Variants in PDZRN3 observed in about 807,000 individuals in gnomAD.
PDZRN3 encodes the protein E3 ubiquitin-protein ligase PDZRN3.
PDZRN3 carries 38 observed loss-of-function variants against 85.7 expected under a neutral mutation model. That is an observed-to-expected ratio of 0.44 (90% CI 0.34 to 0.58). The LOEUF is 0.58. Among genes scored for constraint, PDZRN3 ranks in the 20% least tolerant of loss-of-function variants. The probability of loss-of-function intolerance (pLI) is 0.01; values close to 1 mark genes in which losing one functional copy is unlikely to be tolerated. For synonymous variants in PDZRN3, 759 were observed against 638.0 expected (o/e 1.19, Z -2.86); for missense variants, 1,629 against 1,506.4 (o/e 1.08, Z -1.35).
At chr3:73,568,512 G>C (rs1006594233) in intron 3 of PDZRN3, among the ~76,000 whole-genome samples, 1 of 152,112 alleles carries the variant, frequency 6.6e-6, no homozygotes. Flanking sequence ...GCTGAGAGTC[G>C]CTCTCCTACA....
intron 5 of PDZRN3, among the ~76,000 whole-genome samples, chr3:73,399,458 T>G (rs927176256): frequency 6.6e-6 from 1 of 152,176 alleles, no homozygotes; most frequent in Non-Finnish European, 1.5e-5. Flanking sequence ...TCAGAAGTCC[T>G]CCAAGAAATC....
intron 3 of PDZRN3, among the ~76,000 whole-genome samples, chr3:73,591,768 G>T (rs990571201): frequency 6.6e-6 from 1 of 152,180 alleles, no homozygotes; most frequent in Non-Finnish European, 1.5e-5. Context: ...CCAAGATCAT[G>T]AAGCTCGCAA....
At chr3:73,525,779 C>T (rs1305866942) in intron 3 of PDZRN3, among the ~76,000 whole-genome samples, 2 of 152,184 alleles carry the variant, frequency 1.3e-5, no homozygotes, top group African/African-American at 2.4e-5. Context: ...CTGGGTCTCA[C>T]CCCCTCAGCG....
At chr3:73,609,148 CTGTT>C (rs1368570855) in intron 1 of PDZRN3, among the ~76,000 whole-genome samples, 2 of 152,064 alleles carry the variant, frequency 1.3e-5, no homozygotes, top group Non-Finnish European at 2.9e-5. Context: ...ATAGCCATCT[CTGTT>C]TGGGAGACTT....
intron 5 of PDZRN3, among the ~76,000 whole-genome samples, chr3:73,391,924 A>AGATCC (rs1256594660): frequency 6.6e-6 from 1 of 152,110 alleles, no homozygotes; most frequent in East Asian, 1.9e-4. Flanking sequence ...GTTCTCCGGT[A>AGATCC]GATCCTTTGG....
intron 3 of PDZRN3, among the ~76,000 whole-genome samples, chr3:73,501,799 G>A (rs1703985574): frequency 6.6e-6 from 1 of 152,132 alleles, no homozygotes; most frequent in South Asian, 2.1e-4. Context: ...CAGATCACTT[G>A]AGGTCAGGAG....
At chr3:73,586,443 T>G (rs1205707645) in intron 3 of PDZRN3, among the ~76,000 whole-genome samples, 1 of 152,142 alleles carries the variant, frequency 6.6e-6, no homozygotes, top group Non-Finnish European at 1.5e-5. Context: ...TATTTCGGAG[T>G]CAGGCAACAC....
intron 1 of PDZRN3, among the ~76,000 whole-genome samples, chr3:73,609,812 G>C (rs970912604): frequency 6.6e-6 from 1 of 152,178 alleles, no homozygotes; most frequent in African/African-American, 2.4e-5. Flanking sequence ...AGGCATGAAT[G>C]CAACTCTCTG....
intron 3 of PDZRN3, among the ~76,000 whole-genome samples, chr3:73,598,731 C>T (rs1341094005): frequency 1.3e-5 from 2 of 152,152 alleles, no homozygotes; most frequent in East Asian, 3.9e-4. Flanking sequence ...GCCTTGGGAG[C>T]ACTCATGTAG....
At chr3:73,513,624 C>T (rs1704206136) in intron 3 of PDZRN3, among the ~76,000 whole-genome samples, 1 of 152,206 alleles carries the variant, frequency 6.6e-6, no homozygotes, top group South Asian at 2.1e-4. Context: ...TCATCTTTCC[C>T]TGCCTCAAAC....
chr3:73,404,039 T>C (rs763607587), intron 4 of PDZRN3, 109 bp downstream of exon 4: 14 of 1,105,784 alleles, frequency 1.3e-5, no homozygotes, highest in Non-Finnish European at 1.8e-5. Flanking sequence ...CATGGGCAAC[T>C]TGGAGGAAAA....
At chr3:73,445,645 C>T (rs1575659406) in intron 3 of PDZRN3, among the ~76,000 whole-genome samples, 2 of 152,298 alleles carry the variant, frequency 1.3e-5, no homozygotes, top group South Asian at 4.1e-4. Context: ...AATGCTTCCA[C>T]AAATGGCAAT....
At chr3:73,401,147 G>A (rs1701740629) in intron 4 of PDZRN3, 138 bp from the exon 5 acceptor site, 2 of 663,188 alleles carry the variant, frequency 3.0e-6, no homozygotes, top group Non-Finnish European at 5.5e-6. Flanking sequence ...CTCTGGATGG[G>A]GCTCTCAGCA....
chr3:73,545,134 TG>T (rs1192321901), intron 3 of PDZRN3, among the ~76,000 whole-genome samples: 1 of 152,208 alleles, frequency 6.6e-6, no homozygotes, highest in Non-Finnish European at 1.5e-5. Context: ...GAGCCCACAC[TG>T]GGTGCCAAGC....
chr3:73,461,524 G>A lies in PDZRN3; in HGVS notation c.919-57129C>T, dbSNP rs567641838. On this transcript the variant is annotated intron_variant, in intron 3 of 9. Coordinates refer to ENST00000263666, the MANE Select transcript of PDZRN3 (RefSeq NM_015009.3). ...CCACAAATGTGTTTTGTTAAAAATG[G>A]GCAGTTGGCTTCATTCATCTATTGA... Among the ~76,000 whole-genome samples the A allele has an allele frequency of 1.5e-3, 223 of 152,294 alleles. 1 individual carries two copies. Among genetic ancestry groups the A allele is most frequent in the Middle Eastern group, 3.4e-3 (1 of 294 alleles).
At chr3:73,614,467 G>A (rs1451550567) in intron 1 of PDZRN3, among the ~76,000 whole-genome samples, 1 of 152,204 alleles carries the variant, frequency 6.6e-6, no homozygotes, top group East Asian at 1.9e-4. Flanking sequence ...CTAAGGACAG[G>A]TGTTCCCTAA....
chr3:73,433,566 T>TAC, intron 3 of PDZRN3: 1 of 987,882 alleles, frequency 1.0e-6, no homozygotes. Flanking sequence ...AAATCCCCAC[T>TAC]ACCTTTCCTA....
intron 3 of PDZRN3, among the ~76,000 whole-genome samples, chr3:73,522,487 T>G (rs1360862718): frequency 6.6e-6 from 1 of 152,192 alleles, no homozygotes; most frequent in Non-Finnish European, 1.5e-5. Context: ...ACAAGTTACT[T>G]ACATTCTAGG....
chr3:73,432,582 A>G (rs1366581234), intron 3 of PDZRN3, among the ~76,000 whole-genome samples: 1 of 152,072 alleles, frequency 6.6e-6, no homozygotes, highest in African/African-American at 2.4e-5. Flanking sequence ...GAGGCAGCCA[A>G]CCCACCTTTT....
Sources: gnomAD v4.1 joint callset for allele counts (sites outside exome capture counted in the v4.1 genomes callset) on GRCh38, gnomAD v4.1.1 for gene constraint, MANE v1.5 for transcripts, NCBI Gene and HGNC (gene_info 2026-07-23, HGNC 2026-07-21) for gene names.